Variants in PCDH15 observed in about 807,000 individuals in gnomAD.
PCDH15 encodes the protein protocadherin related 15.
A neutral mutation model predicts 178.5 loss-of-function variants in PCDH15; 129 were observed. The ratio of observed to expected loss-of-function variants is 0.72; its 90% CI spans 0.63 to 0.84. The LOEUF (loss-of-function observed/expected upper bound fraction) is 0.84, where lower values mean the gene tolerates loss of function less well. PCDH15 is among the 40% of genes least tolerant of loss of function. The pLI is 0.00. For missense variants in PCDH15, 2,230 were observed against 2,099.9 expected (o/e 1.06, Z -1.21); for synonymous variants, 800 against 732.0 (o/e 1.09, Z -1.50).
intron 2 of PCDH15, among the ~76,000 whole-genome samples, chr10:55,140,131 C>T (rs1177947079): frequency 6.6e-6 from 1 of 151,912 alleles, no homozygotes. Context: ...TGTGACGTTA[C>T]TGAATTCACT....
intron 2 of PCDH15, among the ~76,000 whole-genome samples, chr10:55,511,035 T>TTTTG (rs1210347283): frequency 7.1e-6 from 1 of 141,118 alleles, no homozygotes; most frequent in Admixed American, 6.8e-5. Flanking sequence ...AATTTGTTTT[T>TTTTG]TTTGTTTGTT....
At chr10:55,092,716 T>A (rs958213926) in intron 2 of PCDH15, among the ~76,000 whole-genome samples, 4 of 152,014 alleles carry the variant, frequency 2.6e-5, no homozygotes, top group Middle Eastern at 3.4e-3. Context: ...GAAAACATGC[T>A]TATTGCTCTG....
chr10:55,178,239 A>ATACATTGGCAGACCAAGCAGC (rs1372363586), intron 1 of PCDH15, among the ~76,000 whole-genome samples: 3 of 152,158 alleles, frequency 2.0e-5, no homozygotes, highest in African/African-American at 7.2e-5. Context: ...GCCAAGGGAA[A>ATACATTGGCAGACCAAGCAGC]TACATTGGCA....
At chr10:54,477,320 T>C (rs1367543148) in intron 3 of PCDH15, among the ~76,000 whole-genome samples, 1 of 152,188 alleles carries the variant, frequency 6.6e-6, no homozygotes, top group East Asian at 1.9e-4. Context: ...TTAGTCCTCA[T>C]ATGATAAGCC....
intron 1 of PCDH15, among the ~76,000 whole-genome samples, chr10:54,724,217 T>C (rs2132545929): frequency 6.6e-6 from 1 of 151,580 alleles, no homozygotes; most frequent in East Asian, 2.0e-4. Context: ...TTAAAAAGAA[T>C]AAAATTATGT....
upstream of PCDH15, among the ~76,000 whole-genome samples, chr10:55,322,030 A>C (rs2094767330): frequency 6.6e-6 from 1 of 152,216 alleles, no homozygotes; most frequent in African/African-American, 2.4e-5. Flanking sequence ...GGTTTGTCTG[A>C]GTCCCCACCC....
intron 2 of PCDH15, among the ~76,000 whole-genome samples, chr10:55,336,934 T>C (rs539143761): frequency 6.6e-6 from 1 of 152,270 alleles, no homozygotes; most frequent in Admixed American, 6.5e-5. Context: ...ATCTTTTCTG[T>C]GCTACAAAAG....
intron 2 of PCDH15, among the ~76,000 whole-genome samples, chr10:55,447,005 A>G (rs553202144): frequency 6.6e-6 from 1 of 152,264 alleles, no homozygotes; most frequent in Middle Eastern, 3.4e-3. Flanking sequence ...AACAGAAGTC[A>G]TAAAATGGTC....
In PCDH15 at chr10:53,868,881, A is replaced by C. The variant is rs532957857; in HGVS notation, c.3502-2024T>G. On this transcript the variant is annotated intron_variant, in intron 26 of 37. Coordinates refer to ENST00000644397, the MANE Select transcript of PCDH15 (RefSeq NM_001384140.1). Reference sequence around the variant, plus strand: ...GTCACCCAGGCTGGAGTGCCATGGCATAAACTCGGCTCACTGAACCTTAGT... The same window carrying C: ...GTCACCCAGGCTGGAGTGCCATGGCCTAAACTCGGCTCACTGAACCTTAGT... 6.6e-5 allele frequency among the ~76,000 whole-genome samples: 10 copies of C among 152,202 alleles called. No individual in the cohort carries two copies. The East Asian group carries it at 1.9e-3, about 29-fold the overall frequency.
At chr10:55,131,446 C>T (rs768183233) in intron 2 of PCDH15, among the ~76,000 whole-genome samples, 8 of 152,164 alleles carry the variant, frequency 5.3e-5, no homozygotes, top group African/African-American at 7.2e-5. Context: ...TTCTTGTCAC[C>T]CACAACGTGG....
At chr10:54,718,932 T>A (rs1046493311) in intron 1 of PCDH15, among the ~76,000 whole-genome samples, 1 of 151,816 alleles carries the variant, frequency 6.6e-6, no homozygotes, top group Non-Finnish European at 1.5e-5. Context: ...CCTGACGTCC[T>A]GATCCACCCG....
intron 5 of PCDH15, among the ~76,000 whole-genome samples, chr10:54,356,270 G>A (rs542074743): frequency 6.6e-6 from 1 of 151,966 alleles, no homozygotes; most frequent in South Asian, 2.1e-4. Context: ...AAAATATCAG[G>A]TGAATTAAAA....
chr10:54,933,903 G>A (rs1390309757), intron 2 of PCDH15, among the ~76,000 whole-genome samples: 1 of 152,050 alleles, frequency 6.6e-6, no homozygotes, highest in Non-Finnish European at 1.5e-5. Context: ...TGTTCATGAG[G>A]TACCAAGGTT....
At chr10:54,293,529 C>A (rs4593907) in intron 8 of PCDH15, among the ~76,000 whole-genome samples, 2 of 151,964 alleles carry the variant, frequency 1.3e-5, no homozygotes, top group Non-Finnish European at 2.9e-5. Flanking sequence ...AGTGAACAGG[C>A]AACCTACAGA....
chr10:55,486,363 T>C (rs1392973556), intron 2 of PCDH15, among the ~76,000 whole-genome samples: 2 of 151,710 alleles, frequency 1.3e-5, no homozygotes, highest in African/African-American at 4.8e-5. Flanking sequence ...TTTTTCTATA[T>C]GTATGAGTTG....
At chr10:55,381,108 T>C (rs1225377700) in intron 2 of PCDH15, among the ~76,000 whole-genome samples, 3 of 152,112 alleles carry the variant, frequency 2.0e-5, no homozygotes, top group African/African-American at 7.2e-5. Context: ...GTGCTTTGGT[T>C]GTTGGTTGTT....
intron 2 of PCDH15, among the ~76,000 whole-genome samples, chr10:55,485,588 G>T (rs905234932): frequency 6.6e-6 from 1 of 151,448 alleles, no homozygotes; most frequent in African/African-American, 2.4e-5. Flanking sequence ...CAGTATGGAG[G>T]TTCCTCAAAA....
At chr10:54,623,493 A>G (rs544575542) in intron 2 of PCDH15, among the ~76,000 whole-genome samples, 1 of 152,262 alleles carries the variant, frequency 6.6e-6, no homozygotes, top group Non-Finnish European at 1.5e-5. Flanking sequence ...GCATAGAACC[A>G]TGCTGAGAAA....
At chr10:54,412,484 A>C (rs1169653964) in intron 3 of PCDH15, among the ~76,000 whole-genome samples, 2 of 152,150 alleles carry the variant, frequency 1.3e-5, no homozygotes, top group African/African-American at 4.8e-5. Flanking sequence ...TTGGATGACC[A>C]AGACATCTCT....
Sources: gnomAD v4.1 joint callset for allele counts (sites outside exome capture counted in the v4.1 genomes callset) on GRCh38, gnomAD v4.1.1 for gene constraint, MANE v1.5 for transcripts, NCBI Gene and HGNC (gene_info 2026-07-23, HGNC 2026-07-21) for gene names.